The following CC2D2B variants were observed in gnomAD, a reference collection of about 807,000 sequenced individuals.
CC2D2B encodes coiled-coil and C2 domain containing 2B, also known as protein CC2D2B.
CC2D2B carries 128 observed loss-of-function variants against 161.2 expected under a neutral mutation model. The ratio of observed to expected loss-of-function variants is 0.79; its 90% confidence interval spans 0.69 to 0.92. The LOEUF (loss-of-function observed/expected upper bound fraction) is 0.92, where lower values mean the gene tolerates loss of function less well. Among genes scored for constraint, CC2D2B ranks in the 40% least tolerant of loss-of-function variants. The probability of loss-of-function intolerance (pLI) is 0.00; values close to 1 mark genes in which losing one functional copy is unlikely to be tolerated. For synonymous variants in CC2D2B, 391 were observed against 449.8 expected (o/e 0.87, Z 1.65); for missense variants, 1,173 against 1,375.1 (o/e 0.85, Z 2.32).
In CC2D2B at chr10:96,032,783, C is replaced by T; in HGVS notation, c.*775C>T. The T allele has an allele frequency of 2.1e-6, 1 of 470,276 alleles. No homozygotes were observed. The highest frequency in any genetic ancestry group is 1.6e-5 in the South Asian group (1 of 64,348). 29.1% of individuals were successfully genotyped at this position (470,276 alleles called of 1,614,324 possible). On this transcript the variant is annotated 3_prime_UTR_variant, in exon 35 of 35. Coordinates refer to ENST00000646931, the MANE Select transcript of CC2D2B (RefSeq NM_001349008.3). The stretch of plus-strand genomic sequence containing the variant: ...ATTTGGAAGGAACTCCCAGGAAACT[C>T]TAATTTCTCCCAATTCTGTGAGGGA...
chr10:95,963,359 T>G (rs571100732), intron 12 of CC2D2B, among the ~76,000 whole-genome samples: 1 of 152,156 alleles, frequency 6.6e-6, no homozygotes, highest in Non-Finnish European at 1.5e-5. Context: ...CCTGGAAAGA[T>G]AGTACTCATG....
intron 11 of CC2D2B, among the ~76,000 whole-genome samples, chr10:95,959,820 G>GA (rs1447660728): frequency 4.6e-5 from 7 of 151,958 alleles, no homozygotes; most frequent in Non-Finnish European, 8.8e-5. Context: ...AAACACAGAA[G>GA]AAACTTTTTT....
intron 5 of CC2D2B, 134 bp from the exon 6 acceptor site, chr10:95,927,103 T>G: frequency 1.5e-5 from 8 of 546,792 alleles, no homozygotes; most frequent in Non-Finnish European, 1.6e-5. Flanking sequence ...AAATATACCT[T>G]GATATTGTTT....
intron 17 of CC2D2B, among the ~76,000 whole-genome samples, chr10:95,976,547 T>TC (rs1416357932): frequency 2.0e-5 from 3 of 152,184 alleles, no homozygotes; most frequent in Non-Finnish European, 2.9e-5. Flanking sequence ...TTGTGGCAGC[T>TC]CAAGGACTGG....
At chr10:95,990,557 G>A (rs933605799) in intron 20 of CC2D2B, among the ~76,000 whole-genome samples, 2 of 152,070 alleles carry the variant, frequency 1.3e-5, no homozygotes, top group Non-Finnish European at 1.5e-5. Flanking sequence ...CACCTTCAAG[G>A]GAAACAATTT....
chr10:96,009,351 C>G (rs1484357006), intron 25 of CC2D2B, among the ~76,000 whole-genome samples: 1 of 151,996 alleles, frequency 6.6e-6, no homozygotes, highest in Non-Finnish European at 1.5e-5. Context: ...TTTTTTCCTG[C>G]CTTCTTTTGG....
intron 9 of CC2D2B, among the ~76,000 whole-genome samples, chr10:95,947,911 A>C (rs1300289349): frequency 6.6e-6 from 1 of 152,240 alleles, no homozygotes; most frequent in Non-Finnish European, 1.5e-5. Flanking sequence ...TAGAGGGCCC[A>C]GGCTCCTGAA....
intron 2 of CC2D2B, chr10:95,913,512 C>T (rs912558490): frequency 3.5e-6 from 1 of 289,036 alleles, no homozygotes; most frequent in Middle Eastern, 1.2e-3. Flanking sequence ...CATATGGTAG[C>T]TATATCTTCA....
At chr10:95,962,407 T>C (rs1252829159) in intron 12 of CC2D2B, among the ~76,000 whole-genome samples, 1 of 152,158 alleles carries the variant, frequency 6.6e-6, no homozygotes, top group Non-Finnish European at 1.5e-5. Flanking sequence ...TAACAAATGC[T>C]GGAAAGGATG....
intron 5 of CC2D2B, among the ~76,000 whole-genome samples, chr10:95,926,679 T>G (rs1373636811): frequency 6.6e-6 from 1 of 152,020 alleles, no homozygotes; most frequent in Non-Finnish European, 1.5e-5. Context: ...GAGAAAGAAG[T>G]GATTTATCAA....
chr10:95,910,655 C>T (rs1392152829), intron 1 of CC2D2B, among the ~76,000 whole-genome samples: 4 of 152,210 alleles, frequency 2.6e-5, no homozygotes, highest in African/African-American at 9.7e-5. Flanking sequence ...AGGAGACAAA[C>T]ATCCAAATAG....
At chr10:95,929,640 G>A (rs918634252) in intron 6 of CC2D2B, among the ~76,000 whole-genome samples, 4 of 152,190 alleles carry the variant, frequency 2.6e-5, no homozygotes. Flanking sequence ...CAACACCATT[G>A]ATTAAATAGG....
chr10:95,992,472 T>C (rs2077995372), intron 21 of CC2D2B, 55 bp from the exon 22 acceptor site: 7 of 1,200,004 alleles, frequency 5.8e-6, no homozygotes, highest in Non-Finnish European at 5.2e-6. Flanking sequence ...AAGACTGTTA[T>C]CTTTTAAAAC....
intron 17 of CC2D2B, among the ~76,000 whole-genome samples, chr10:95,981,317 T>C (rs1300543733): frequency 1.4e-5 from 2 of 140,136 alleles, no homozygotes; most frequent in Non-Finnish European, 3.0e-5. Flanking sequence ...GCTTTGAACC[T>C]GGGAGGCAGA....
intron 19 of CC2D2B, chr10:95,984,721 TAAAC>T (rs2077652973): frequency 6.6e-6 from 1 of 151,778 alleles, no homozygotes; most frequent in Non-Finnish European, 1.5e-5. Flanking sequence ...TACAAAAAAA[TAAAC>T]AAAATTAGCT....
chr10:95,916,122 T>A (rs2098515867), intron 2 of CC2D2B, among the ~76,000 whole-genome samples: 1 of 152,150 alleles, frequency 6.6e-6, no homozygotes, highest in South Asian at 2.1e-4. Context: ...CATGGTTCAA[T>A]CTTGGTAGGT....
intron 9 of CC2D2B, among the ~76,000 whole-genome samples, chr10:95,946,090 T>A (rs2076188560): frequency 6.6e-6 from 1 of 152,126 alleles, no homozygotes; most frequent in Middle Eastern, 3.2e-3. Context: ...AGCGGACAGT[T>A]CTAATTGTTC....
rs542512696 is a variant in CC2D2B at position 95,982,725 on chromosome 10, C to CT, written c.2082+613dup. Among the ~76,000 whole-genome samples, 175 of 152,260 alleles carry CT rather than the reference C, an allele frequency of 1.1e-3. 2 individuals are homozygous for CT. The South Asian group carries it at 0.019, about 17-fold the overall frequency. On this transcript the variant is annotated intron_variant, in intron 18 of 34. Transcript: ENST00000646931. ...TTTTAAAAAATCAACTCTTATGACT[C>CT]TAATTTCATTCTGCCTTTTACTATA...
chr10:95,990,751 T>C (rs1476768180), intron 20 of CC2D2B, among the ~76,000 whole-genome samples: 1 of 152,102 alleles, frequency 6.6e-6, no homozygotes, highest in Non-Finnish European at 1.5e-5. Flanking sequence ...GTTTCATATC[T>C]GAAAAACTAA....
Sources: allele counts gnomAD v4.1 joint callset (sites outside exome capture counted in the v4.1 genomes callset), GRCh38; gene constraint gnomAD v4.1.1; transcripts MANE v1.5; gene names NCBI Gene and HGNC (gene_info 2026-07-23, HGNC 2026-07-21).